The following RIMS2 variants were observed in gnomAD, a reference collection of about 807,000 sequenced individuals.
RIMS2 encodes the protein regulating synaptic membrane exocytosis 2, also known as regulating synaptic membrane exocytosis protein 2.
Under a neutral mutation model 174.4 loss-of-function variants are expected in RIMS2, and 59 were observed. The ratio of observed to expected loss-of-function variants is 0.34; its 90% CI spans 0.27 to 0.42. The LOEUF is 0.42. Among genes scored for constraint, RIMS2 ranks in the 10% least tolerant of loss-of-function variants. The pLI, the probability that RIMS2 is intolerant of heterozygous loss-of-function variation, is 1.00. For synonymous variants in RIMS2, 606 were observed against 572.5 expected (o/e 1.06, Z -0.84); for missense variants, 1,620 against 1,666.3 (o/e 0.97, Z 0.48).
At chr8:103,580,988 T>C (rs907704478) in intron 1 of RIMS2, among the ~76,000 whole-genome samples, 5 of 151,702 alleles carry the variant, frequency 3.3e-5, no homozygotes, top group African/African-American at 1.2e-4. Flanking sequence ...CGCCACCACG[T>C]CCAGCTAATT....
chr8:103,519,310 T>G (rs986328613), intron 1 of RIMS2, among the ~76,000 whole-genome samples: 1 of 152,134 alleles, frequency 6.6e-6, no homozygotes, highest in East Asian at 1.9e-4. Context: ...ATTACTCATT[T>G]TCTTCAACTT....
At chr8:103,707,906 A>G (rs541501675) in intron 2 of RIMS2, among the ~76,000 whole-genome samples, 222 of 152,292 alleles carry the variant, frequency 1.5e-3, no homozygotes, top group South Asian at 2.5e-3. Context: ...ACCATCCAGA[A>G]CCAATGGCCA....
exon 13 of RIMS2, chr8:103,936,615 T>C: frequency 6.2e-7 from 1 of 1,610,084 alleles, no homozygotes; most frequent in Non-Finnish European, 8.5e-7. Flanking sequence ...GAACCAAACA[T>C]TCATTTATTC....
intron 14 of RIMS2, among the ~76,000 whole-genome samples, chr8:103,944,873 G>A (rs55738203): frequency 0.13 from 19,272 of 151,788 alleles, 1,687 homozygotes; most frequent in Non-Finnish European, 0.19. Context: ...AAAGAAACAA[G>A]AACTAGGAAA....
At chr8:103,768,654 T>G in intron 3 of RIMS2, 1 of 842,374 alleles carries the variant, frequency 1.2e-6, no homozygotes, top group Non-Finnish European at 2.1e-6. Context: ...CAGGATTGAC[T>G]GATACTACGA....
In RIMS2 at chr8:103,942,753, T is replaced by G. The variant is rs752182551; in HGVS notation, c.2548-20T>G. The G allele has an allele frequency of 3.8e-6, 6 of 1,587,474 alleles. No homozygotes were observed. Among genetic ancestry groups the G allele is most frequent in the South Asian group, 2.2e-5 (2 of 89,440 alleles). On this transcript the variant is annotated intron_variant, in intron 13 of 23. Coordinates refer to ENST00000504942, the Ensembl canonical transcript of RIMS2. ...TATTATTGGTATATTATAACCGTCC[T>G]TTGTCTCTTGGGTTTGTAGATTTTA... is the stretch of plus-strand genomic sequence containing the variant.
At chr8:103,735,736 C>G (rs1482531736) in intron 2 of RIMS2, among the ~76,000 whole-genome samples, 3 of 152,090 alleles carry the variant, frequency 2.0e-5, no homozygotes, top group Non-Finnish European at 4.4e-5. Context: ...GTTCATGGAC[C>G]AAGCTGCAAA....
chr8:104,005,806 A>G (rs1207430103), intron 17 of RIMS2, among the ~76,000 whole-genome samples: 5 of 152,180 alleles, frequency 3.3e-5, no homozygotes, highest in Admixed American at 3.3e-4. Flanking sequence ...AAGAGAGGCA[A>G]TGATGGTCCT....
intron 19 of RIMS2, among the ~76,000 whole-genome samples, chr8:104,102,399 T>A (rs1011217787): frequency 6.6e-6 from 1 of 152,196 alleles, no homozygotes. Flanking sequence ...GTCTTGTTGA[T>A]TCTAATGCTT....
chr8:104,129,445 C>G (rs2098457032), intron 19 of RIMS2, among the ~76,000 whole-genome samples: 1 of 152,164 alleles, frequency 6.6e-6, no homozygotes. Flanking sequence ...CCACTGTAGG[C>G]GTTAATTGTC....
At chr8:104,088,499 C>T (rs1426540812) in intron 19 of RIMS2, among the ~76,000 whole-genome samples, 2 of 151,988 alleles carry the variant, frequency 1.3e-5, no homozygotes, top group Non-Finnish European at 2.9e-5. Context: ...ATGTGGTATT[C>T]AGGTATCCAT....
chr8:103,970,236 C>T (rs1177977988), intron 15 of RIMS2, among the ~76,000 whole-genome samples: 1 of 152,134 alleles, frequency 6.6e-6, no homozygotes, highest in Non-Finnish European at 1.5e-5. Context: ...AAGTGGTTCT[C>T]ATTTTTTCCC....
At chr8:103,605,762 T>TTTC (rs1305288182) in intron 1 of RIMS2, among the ~76,000 whole-genome samples, 1 of 151,908 alleles carries the variant, frequency 6.6e-6, no homozygotes, top group East Asian at 1.9e-4. Context: ...TATCCATTTC[T>TTTC]GCTAGATTTT....
intron 19 of RIMS2, among the ~76,000 whole-genome samples, chr8:104,242,030 G>C (rs1465252525): frequency 6.6e-6 from 1 of 152,138 alleles, no homozygotes; most frequent in Non-Finnish European, 1.5e-5. Flanking sequence ...AAAGTGCTGG[G>C]ATTACAGGTG....
intron 1 of RIMS2, chr8:103,568,554 C>T (rs993279625): frequency 6.4e-6 from 3 of 466,794 alleles, no homozygotes; most frequent in Non-Finnish European, 1.2e-5. Flanking sequence ...TGCTATAAGT[C>T]TGGAAGAGAC....
intron 1 of RIMS2, among the ~76,000 whole-genome samples, chr8:103,590,034 T>C (rs185027700): frequency 4.2e-4 from 63 of 151,474 alleles, no homozygotes; most frequent in Non-Finnish European, 8.9e-5. Context: ...ACGTGGTGAC[T>C]ATAGTTAATA....
chr8:103,904,913 T>C (rs2074040616), intron 4 of RIMS2, among the ~76,000 whole-genome samples: 1 of 152,072 alleles, frequency 6.6e-6, no homozygotes, highest in African/African-American at 2.4e-5. Flanking sequence ...TTTCTTTTTG[T>C]AGGTTTTTTT....
chr8:103,538,144 G>T (rs928980647), intron 1 of RIMS2, among the ~76,000 whole-genome samples: 1 of 151,878 alleles, frequency 6.6e-6, no homozygotes, highest in African/African-American at 2.4e-5. Flanking sequence ...GCATAGTTAG[G>T]CTTTGACCTA....
At chr8:103,867,726 A>G (rs1481492264) in intron 3 of RIMS2, among the ~76,000 whole-genome samples, 1 of 152,014 alleles carries the variant, frequency 6.6e-6, no homozygotes, top group African/African-American at 2.4e-5. Flanking sequence ...GAAAAAATCT[A>G]TGAAAACATC....
Sources: gnomAD v4.1 joint callset for allele counts (sites outside exome capture counted in the v4.1 genomes callset) on GRCh38, gnomAD v4.1.1 for gene constraint, MANE v1.5 for transcripts, NCBI Gene and HGNC (gene_info 2026-07-23, HGNC 2026-07-21) for gene names.